UBE3C: variants seen among roughly 807,000 people sequenced by gnomAD.
UBE3C encodes ubiquitin-protein ligase E3C.
Under a neutral mutation model 129.4 loss-of-function variants are expected in UBE3C, and 42 were observed. The observed-to-expected ratio is 0.32, with a 90% CI of 0.25 to 0.42. The LOEUF (loss-of-function observed/expected upper bound fraction) is 0.42. Among genes scored for constraint, UBE3C ranks in the 10% least tolerant of loss-of-function variants. The probability of loss-of-function intolerance (pLI) is 1.00; values close to 1 mark genes in which losing one functional copy is unlikely to be tolerated. For missense variants in UBE3C, 1,049 were observed against 1,319.1 expected, an observed-to-expected ratio of 0.80 and a Z score of 3.17; for synonymous variants, 510 against 492.4, an observed-to-expected ratio of 1.04 and a Z score of -0.47.
intron 2 of UBE3C, among the ~76,000 whole-genome samples, chr7:157,165,493 G>T (rs926901587): frequency 1.3e-5 from 2 of 151,280 alleles, no homozygotes; most frequent in Non-Finnish European, 2.9e-5. Flanking sequence ...CGCCTTCCAG[G>T]TTCAAGCGAT....
chr7:157,231,302 A>G lies in UBE3C; in HGVS notation c.2456A>G (p.Tyr819Cys), dbSNP rs752461955. The change falls in exon 18 of 23, where the codon TAC becomes TGC. Residue 819 changes from tyrosine (Y) to cysteine (C), a missense_variant. Tyr to Cys is a radical substitution (Grantham distance 194). Around this residue, in one of 4 missense-constraint regions of UBE3C, gnomAD observed 243 missense variants for 368.7 expected, o/e 0.66. Transcript: ENST00000348165. Reference protein sequence around the residue: ...LVGDSFARHYYFLGRMLGKAL... With the variant: ...LVGDSFARHYCFLGRMLGKAL... ...GGAGATTCTTTTGCCAGACATTACTACTTCCTAGGCAGAATGCTTGGAAAG... is the reference window on the plus strand; with the variant it reads ...GGAGATTCTTTTGCCAGACATTACTGCTTCCTAGGCAGAATGCTTGGAAAG... The G allele has an allele frequency of 1.6e-5, 26 of 1,613,986 alleles. No individual in the cohort carries two copies. Among genetic ancestry groups the G allele is most frequent in the Non-Finnish European group, 2.1e-5 (25 of 1,180,008 alleles).
At chr7:157,213,152 A>G (rs1004781016) in intron 13 of UBE3C, among the ~76,000 whole-genome samples, 2 of 152,272 alleles carry the variant, frequency 1.3e-5, no homozygotes, top group South Asian at 2.1e-4. Context: ...GTGGAAGAAC[A>G]TGAGAGGAGG....
At chr7:157,201,649 TTTTTTTTTTA>T in intron 10 of UBE3C, 62 bp from the exon 11 acceptor site, 2 of 652,278 alleles carry the variant, frequency 3.1e-6, no homozygotes, top group Non-Finnish European at 4.4e-6. Flanking sequence ...TTTTTTTTTT[TTTTTTTTTTA>T]AGAAATGTTT....
chr7:157,161,035 CTA>C (rs1204779350), intron 1 of UBE3C, among the ~76,000 whole-genome samples: 3 of 152,126 alleles, frequency 2.0e-5, no homozygotes, highest in Non-Finnish European at 2.9e-5. Context: ...GATAAGAACT[CTA>C]TAAGATTGGA....
At position 157,256,052 on chromosome 7, in the gene UBE3C, G is replaced by A. The variant is rs113782960; in HGVS notation, c.2951-862G>A. Among the ~76,000 whole-genome samples the A allele has an allele frequency of 9.0e-3, 1,369 of 152,240 alleles. 12 individuals are homozygous for A. The highest frequency in any genetic ancestry group is 0.031 in the African/African-American group (1,306 of 41,542). ...CAGCGGCGGCTTTGAACTGCAGCAC[G>A]GTTCTTCAAAATAAGGCTCCTCTGC... On this transcript the variant is annotated intron_variant, in intron 21 of 22. Coordinates refer to ENST00000348165, the MANE Select transcript of UBE3C (RefSeq NM_014671.3).
chr7:157,203,244 G>T (rs910946543), intron 11 of UBE3C, among the ~76,000 whole-genome samples: 2 of 152,068 alleles, frequency 1.3e-5, no homozygotes, highest in African/African-American at 4.8e-5. Context: ...TACTGCTGCC[G>T]CTGTGACTGG....
intron 11 of UBE3C, among the ~76,000 whole-genome samples, chr7:157,205,004 C>G (rs888986700): frequency 6.6e-6 from 1 of 152,228 alleles, no homozygotes; most frequent in Non-Finnish European, 1.5e-5. Context: ...TCGGGTCTCA[C>G]TGATGGTCAG....
intron 1 of UBE3C, among the ~76,000 whole-genome samples, chr7:157,160,206 C>G (rs1808031411): frequency 6.6e-6 from 1 of 152,018 alleles, no homozygotes; most frequent in African/African-American, 2.4e-5. Flanking sequence ...CTCCAAGTAG[C>G]TGAGACTACA....
intron 1 of UBE3C, among the ~76,000 whole-genome samples, chr7:157,147,881 A>G (rs528165336): frequency 6.6e-6 from 1 of 152,324 alleles, no homozygotes; most frequent in South Asian, 2.1e-4. Context: ...CGTATCTGGA[A>G]TAAATCCCAC....
chr7:157,192,356 G>C (rs376423476), intron 10 of UBE3C: 1 of 632,696 alleles, frequency 1.6e-6, no homozygotes, highest in East Asian at 3.2e-5. Flanking sequence ...CTGCGGTGGA[G>C]CCGCCACCAA....
intron 13 of UBE3C, among the ~76,000 whole-genome samples, chr7:157,216,549 C>T (rs1358685617): frequency 2.6e-5 from 4 of 151,602 alleles, no homozygotes; most frequent in African/African-American, 9.7e-5. Context: ...TTCTTTCCTT[C>T]TTTGTGTTCA....
chr7:157,254,078 G>T lies in UBE3C; in HGVS notation c.2819G>T (p.Arg940Leu). Reference protein sequence around the residue: ...RQIRQHCLAFRQGLANVVSLE... With the variant: ...RQIRQHCLAFLQGLANVVSLE... ...ATCCGCCAGCACTGCCTGGCTTTCCGCCAGGGCCTTGCCAATGTCGTCAGC... is the reference window on the plus strand; with the variant it reads ...ATCCGCCAGCACTGCCTGGCTTTCCTCCAGGGCCTTGCCAATGTCGTCAGC... Residue 940 changes from arginine to leucine, a missense_variant, in exon 20 of 23, where the codon CGC becomes CTC. By Grantham distance (102) the Arg-to-Leu change is moderately radical (BLOSUM62 -2). Coordinates refer to ENST00000348165, the MANE Select transcript of UBE3C (RefSeq NM_014671.3). The T allele has an allele frequency of 1.2e-6, 2 of 1,613,344 alleles. No homozygotes were observed. Among genetic ancestry groups the T allele is most frequent in the Non-Finnish European group, 1.7e-6 (2 of 1,179,736 alleles).
chr7:157,244,198 C>T (rs368176678), intron 18 of UBE3C, among the ~76,000 whole-genome samples: 1 of 152,032 alleles, frequency 6.6e-6, no homozygotes, highest in Admixed American at 6.5e-5. Flanking sequence ...CCATTCATTG[C>T]GCTCCAGCCT....
intron 4 of UBE3C, 134 bp downstream of exon 4, chr7:157,170,584 C>A: frequency 2.2e-6 from 2 of 927,878 alleles, no homozygotes; most frequent in Non-Finnish European, 2.9e-6. Context: ...TCTCAGCTAG[C>A]TGTGAGAGGT....
chr7:157,188,625 G>T (rs1808871947), intron 10 of UBE3C, among the ~76,000 whole-genome samples: 1 of 152,178 alleles, frequency 6.6e-6, no homozygotes, highest in South Asian at 2.1e-4. Flanking sequence ...GCTTCCAAAA[G>T]GTGTTTAATG....
chr7:157,229,594 GGCATGT>G (rs1371487576), intron 17 of UBE3C, among the ~76,000 whole-genome samples: 1 of 152,076 alleles, frequency 6.6e-6, no homozygotes, highest in Non-Finnish European at 1.5e-5. Context: ...TGGGATTACA[GGCATGT>G]GCCACTGCAC....
intron 2 of UBE3C, among the ~76,000 whole-genome samples, chr7:157,166,450 T>C (rs1808214626): frequency 1.3e-5 from 2 of 152,200 alleles, no homozygotes; most frequent in East Asian, 1.9e-4. Context: ...TTAAAATCAA[T>C]ATTTTGAGGG....
At chr7:157,249,947 C>A (rs1796580459) in intron 19 of UBE3C, among the ~76,000 whole-genome samples, 1 of 152,196 alleles carries the variant, frequency 6.6e-6, no homozygotes, top group African/African-American at 2.4e-5. Flanking sequence ...CTGATTGGAC[C>A]ATTTCAGGTT....
intron 22 of UBE3C, among the ~76,000 whole-genome samples, chr7:157,265,453 A>G (rs1174853786): frequency 2.6e-5 from 4 of 152,254 alleles, no homozygotes; most frequent in Non-Finnish European, 4.4e-5. Flanking sequence ...GGTCTCATGC[A>G]TTAAGTCTGC....
Sources: gnomAD v4.1 joint callset for allele counts (sites outside exome capture counted in the v4.1 genomes callset) on GRCh38, gnomAD v4.1.1 for gene constraint, gnomAD v4.1.1 regional missense constraint, MANE v1.5 for transcripts, NCBI Gene and HGNC (gene_info 2026-07-23, HGNC 2026-07-21) for gene names.